The following GPC6 variants were observed in gnomAD, a reference collection of about 807,000 sequenced individuals.
GPC6 encodes the protein glypican-6.
Under a neutral mutation model 55.2 loss-of-function variants are expected in GPC6, and 14 were observed. The ratio of observed to expected loss-of-function variants is 0.25; its 90% confidence interval spans 0.17 to 0.40. GPC6 has a LOEUF of 0.40. Among genes scored for constraint, GPC6 ranks in the 10% least tolerant of loss-of-function variants. GPC6 has a pLI of 1.00. For missense variants in GPC6, 641 were observed against 708.5 expected, an observed-to-expected ratio of 0.90 and a Z score of 1.08; for synonymous variants, 278 against 259.6, an observed-to-expected ratio of 1.07 and a Z score of -0.68.
chr13:93,681,019 C>T (rs1881827330), intron 2 of GPC6, among the ~76,000 whole-genome samples: 1 of 152,082 alleles, frequency 6.6e-6, no homozygotes. Context: ...AGGACAGCAG[C>T]TGTGGTATTA....
At chr13:94,001,471 T>C (rs1194375835) in intron 3 of GPC6, among the ~76,000 whole-genome samples, 1 of 152,188 alleles carries the variant, frequency 6.6e-6, no homozygotes, top group Non-Finnish European at 1.5e-5. Context: ...AAAATTAATC[T>C]AATGAAATGA....
chr13:94,196,059 C>T (rs1889563316), intron 4 of GPC6, among the ~76,000 whole-genome samples: 1 of 152,118 alleles, frequency 6.6e-6, no homozygotes, highest in African/African-American at 2.4e-5. Flanking sequence ...AGACATCCCT[C>T]AATGTTCTTT....
At chr13:93,904,884 T>A (rs1876553901) in intron 3 of GPC6, among the ~76,000 whole-genome samples, 1 of 151,768 alleles carries the variant, frequency 6.6e-6, no homozygotes, top group African/African-American at 2.4e-5. Context: ...CACTAACTCG[T>A]CATCTAGCAT....
chr13:93,904,427 C>T (rs1397915712), intron 3 of GPC6, among the ~76,000 whole-genome samples: 1 of 152,074 alleles, frequency 6.6e-6, no homozygotes, highest in African/African-American at 2.4e-5. Context: ...TTATCATCCA[C>T]TAGGATTATA....
intron 1 of GPC6, among the ~76,000 whole-genome samples, chr13:93,312,691 G>A (rs971432375): frequency 6.6e-6 from 1 of 152,124 alleles, no homozygotes; most frequent in Non-Finnish European, 1.5e-5. Flanking sequence ...ATTGCGAATA[G>A]CATGGCCAAT....
chr13:93,706,617 C>G (rs986120396), intron 2 of GPC6, among the ~76,000 whole-genome samples: 2 of 151,766 alleles, frequency 1.3e-5, no homozygotes, highest in African/African-American at 4.8e-5. Flanking sequence ...TAGTCATCTG[C>G]AAGTGTCATG....
At chr13:94,089,902 T>C (rs1885420986) in intron 4 of GPC6, among the ~76,000 whole-genome samples, 1 of 151,922 alleles carries the variant, frequency 6.6e-6, no homozygotes, top group South Asian at 2.1e-4. Context: ...TTGAAAAAAA[T>C]AGAGACCACA....
At chr13:93,399,179 T>C (rs1038762316) in intron 1 of GPC6, among the ~76,000 whole-genome samples, 1 of 152,170 alleles carries the variant, frequency 6.6e-6, no homozygotes, top group African/African-American at 2.4e-5. Flanking sequence ...GGGAGTGTCC[T>C]TGATGGTGCG....
At chr13:94,126,708 G>A (rs1039857248) in intron 4 of GPC6, among the ~76,000 whole-genome samples, 1 of 149,926 alleles carries the variant, frequency 6.7e-6, no homozygotes, top group African/African-American at 2.4e-5. Context: ...ATTATTACCT[G>A]TTTGCTTCAT....
chr13:93,800,153 TACTC>T (rs1291209218), intron 2 of GPC6, among the ~76,000 whole-genome samples: 5 of 152,222 alleles, frequency 3.3e-5, no homozygotes, highest in African/African-American at 1.2e-4. Flanking sequence ...AGGCCTCTCT[TACTC>T]AAGAGTACAT....
intron 1 of GPC6, among the ~76,000 whole-genome samples, chr13:93,280,032 G>A (rs1877895303): frequency 6.6e-6 from 1 of 152,168 alleles, no homozygotes. Flanking sequence ...CTTGGTCTGT[G>A]TTAGAGGGTA....
In GPC6 at chr13:93,227,302, G is replaced by C; in HGVS notation, c.-155G>C. 1.4e-6 allele frequency: 1 copy of C among 697,902 alleles called. No homozygotes were observed. Among genetic ancestry groups the C allele is most frequent in the South Asian group, 1.8e-5 (1 of 56,574 alleles). The allele number at this position is 697,902 out of a possible 1,614,324, so 43.2% of individuals were successfully genotyped here. A position where few individuals can be genotyped will look rare whatever the true frequency, so the allele number is the denominator to read the frequency against. On this transcript the variant is annotated 5_prime_UTR_variant, in exon 1 of 9. Coordinates refer to ENST00000377047, the MANE Select transcript of GPC6 (RefSeq NM_005708.5). The surrounding 1 kb of genome is among the most constrained non-coding windows in gnomAD (Gnocchi z 4.3). Reference sequence around the variant, plus strand: ...AAAAGTTTGCTGAGCGCAGTCCAGAGGGCTGCGCTGCTCGTCCCCTCGGCT... The same window carrying C: ...AAAAGTTTGCTGAGCGCAGTCCAGACGGCTGCGCTGCTCGTCCCCTCGGCT...
At chr13:93,546,419 T>C (rs191411956) in intron 2 of GPC6, among the ~76,000 whole-genome samples, 1 of 152,338 alleles carries the variant, frequency 6.6e-6, no homozygotes, top group Admixed American at 6.5e-5. Flanking sequence ...GCAACACTGA[T>C]CTTTTTCAAA....
chr13:93,422,043 A>G lies in GPC6; in HGVS notation c.161-123220A>G, dbSNP rs145823335. Among the ~76,000 whole-genome samples the G allele has an allele frequency of 3.0e-4, 46 of 152,302 alleles. No individual in the cohort carries two copies. The East Asian group carries it at 8.5e-3, about 28-fold the overall frequency. On this transcript the variant is annotated intron_variant, in intron 1 of 8. Coordinates refer to ENST00000377047, the MANE Select transcript of GPC6 (RefSeq NM_005708.5). ...ATAAAGTTAAATATAATCAGAAATG[A>G]AAATCTCTGCTGAAATATTCACCTT...
chr13:94,126,892 C>G (rs1383717858), intron 4 of GPC6, among the ~76,000 whole-genome samples: 1 of 151,932 alleles, frequency 6.6e-6, no homozygotes, highest in African/African-American at 2.4e-5. Context: ...TAGCTAGGGA[C>G]TAAATATCTA....
chr13:93,413,909 CAAGTTAGTT>C (rs1199956767), intron 1 of GPC6, among the ~76,000 whole-genome samples: 4 of 152,132 alleles, frequency 2.6e-5, no homozygotes, highest in Non-Finnish European at 5.9e-5. Context: ...TAGTAAAAAT[CAAGTTAGTT>C]TAGGTTTCAT....
In GPC6 at chr13:93,862,742, C is replaced by T. The variant is rs573539052; in HGVS notation, c.711+32197C>T. Among the ~76,000 whole-genome samples the T allele has an allele frequency of 1.8e-4, 28 of 151,716 alleles. No homozygotes were observed. In the South Asian group the frequency reaches 5.2e-3, roughly 28 times the overall value. ...CAGGAAACTTCCAGAGTAATATCCC[C>T]GTTGACAGTTATTATTCCCTATGTT... On this transcript the variant is annotated intron_variant, in intron 3 of 8. Transcript: ENST00000377047.
intron 1 of GPC6, among the ~76,000 whole-genome samples, chr13:93,476,264 C>T (rs1483712630): frequency 6.6e-6 from 1 of 151,850 alleles, no homozygotes; most frequent in Non-Finnish European, 1.5e-5. Context: ...CTTGCTATTC[C>T]TATTTGTGTG....
At position 94,106,161 on chromosome 13, in the gene GPC6, G is replaced by A. The variant is rs559711367; in HGVS notation, c.877+78267G>A. Among the ~76,000 whole-genome samples, 282 of 143,406 alleles carry A rather than the reference G, an allele frequency of 2.0e-3. 1 individual carries two copies. The highest frequency in any genetic ancestry group is 7.1e-3 in the African/African-American group (271 of 38,366). 94.1% of individuals were successfully genotyped at this position (143,406 alleles called of 152,430 possible). The stretch of plus-strand genomic sequence containing the variant: ...CTACATTGGAAAGGGTAGCTCCCAC[G>A]ACCAAGAGTTATCCAGCTATCCTAC... On this transcript the variant is annotated intron_variant, in intron 4 of 8. Coordinates refer to ENST00000377047, the MANE Select transcript of GPC6 (RefSeq NM_005708.5).
Sources: gnomAD v4.1 joint callset for allele counts (sites outside exome capture counted in the v4.1 genomes callset) on GRCh38, gnomAD v4.1.1 for gene constraint, Gnocchi (gnomAD v3.1) non-coding constraint, MANE v1.5 for transcripts, NCBI Gene and HGNC (gene_info 2026-07-23, HGNC 2026-07-21) for gene names.